Variants in SLC35F4 observed in about 807,000 individuals in gnomAD.
SLC35F4 encodes solute carrier family 35 member F4.
A neutral mutation model predicts 44.2 loss-of-function variants in SLC35F4; 24 were observed. The observed-to-expected ratio is 0.54, with a 90% CI of 0.39 to 0.76. The LOEUF is 0.76. Among genes scored for constraint, SLC35F4 ranks in the 30% least tolerant of loss-of-function variants. The pLI, the probability that SLC35F4 is intolerant of heterozygous loss-of-function variation, is 0.00. For synonymous variants in SLC35F4, 238 were observed against 223.6 expected (o/e 1.06, Z -0.57); for missense variants, 562 against 586.1 (o/e 0.96, Z 0.42).
At chr14:57,696,871 G>A (rs1000291956) in intron 1 of SLC35F4, among the ~76,000 whole-genome samples, 3 of 152,140 alleles carry the variant, frequency 2.0e-5, no homozygotes, top group Non-Finnish European at 4.4e-5. Context: ...TGAACAATGA[G>A]AACACATGGG....
intron 1 of SLC35F4, chr14:57,604,137 A>G (rs2071006501): frequency 6.6e-6 from 1 of 152,202 alleles, no homozygotes; most frequent in Admixed American, 6.5e-5. Flanking sequence ...CTGAGGGTAG[A>G]GAGAATCTCT....
chr14:57,694,096 G>T (rs1197915739), intron 1 of SLC35F4, among the ~76,000 whole-genome samples: 1 of 152,126 alleles, frequency 6.6e-6, no homozygotes, highest in Non-Finnish European at 1.5e-5. Context: ...ATAGTCAACA[G>T]CATGTAACCC....
chr14:57,716,186 T>G (rs1164406773), intron 1 of SLC35F4, among the ~76,000 whole-genome samples: 4 of 152,132 alleles, frequency 2.6e-5, no homozygotes, highest in Non-Finnish European at 5.9e-5. Context: ...GGAGGGGGCA[T>G]GGACTCTGTC....
chr14:57,883,053 G>GGGA (rs1165789456), intron 1 of SLC35F4, among the ~76,000 whole-genome samples: 2 of 151,562 alleles, frequency 1.3e-5, no homozygotes, highest in Non-Finnish European at 2.9e-5. Flanking sequence ...AGAAGGGGAG[G>GGGA]GGAGGAGGAG....
downstream of SLC35F4, among the ~76,000 whole-genome samples, chr14:57,974,578 A>G (rs566455059): frequency 6.6e-6 from 1 of 152,302 alleles, no homozygotes; most frequent in South Asian, 2.1e-4. Flanking sequence ...GAGAAGTAAG[A>G]CATCAAATGG....
chr14:57,757,313 C>T (rs2077016869), intron 1 of SLC35F4, among the ~76,000 whole-genome samples: 1 of 152,134 alleles, frequency 6.6e-6, no homozygotes, highest in African/African-American at 2.4e-5. Context: ...TTTCCTGTAA[C>T]AGCATTATAT....
At chr14:57,606,466 A>T (rs1372450549) in intron 1 of SLC35F4, among the ~76,000 whole-genome samples, 1 of 152,186 alleles carries the variant, frequency 6.6e-6, no homozygotes, top group African/African-American at 2.4e-5. Flanking sequence ...GGATTTTCAT[A>T]TGTTGAGCTT....
chr14:57,750,381 T>G (rs74923728), intron 1 of SLC35F4, among the ~76,000 whole-genome samples: 3,658 of 152,280 alleles, frequency 0.024, 157 homozygotes, highest in East Asian at 0.18. Flanking sequence ...GATATATTGA[T>G]TACTTTTCCT....
chr14:57,815,773 G>C (rs961805728), intron 1 of SLC35F4, among the ~76,000 whole-genome samples: 5 of 152,150 alleles, frequency 3.3e-5, no homozygotes, highest in Non-Finnish European at 7.3e-5. Context: ...GACTAGCCGA[G>C]AAGACCAGTG....
chr14:57,701,691 A>G (rs932454621), intron 1 of SLC35F4, among the ~76,000 whole-genome samples: 1 of 152,232 alleles, frequency 6.6e-6, no homozygotes, highest in Non-Finnish European at 1.5e-5. Flanking sequence ...TACGTGGCAC[A>G]TGACTGTATA....
At chr14:57,593,005 A>G (rs987445408) in intron 2 of SLC35F4, among the ~76,000 whole-genome samples, 1 of 152,218 alleles carries the variant, frequency 6.6e-6, no homozygotes, top group African/African-American at 2.4e-5. Context: ...AGATGTAGGT[A>G]GGGCTATCAT....
chr14:57,867,566 C>A (rs1401080011), upstream of SLC35F4, among the ~76,000 whole-genome samples: 1 of 151,188 alleles, frequency 6.6e-6, no homozygotes, highest in Non-Finnish European at 1.5e-5. Context: ...GGGGAGCTAG[C>A]CATATAAAGC....
intron 1 of SLC35F4, among the ~76,000 whole-genome samples, chr14:57,803,104 C>G (rs992743601): frequency 2.0e-5 from 3 of 152,028 alleles, no homozygotes; most frequent in African/African-American, 7.3e-5. Context: ...AGCTTATCCA[C>G]CATGATCAAG....
At chr14:57,786,408 C>T (rs2077760179) in intron 1 of SLC35F4, among the ~76,000 whole-genome samples, 1 of 152,192 alleles carries the variant, frequency 6.6e-6, no homozygotes, top group African/African-American at 2.4e-5. Context: ...CCTCTCCACA[C>T]TACTACAGCT....
At chr14:57,658,573 G>A (rs929427350) in intron 1 of SLC35F4, among the ~76,000 whole-genome samples, 7 of 152,148 alleles carry the variant, frequency 4.6e-5, no homozygotes, top group Non-Finnish European at 1.0e-4. Context: ...GGTTCCAAGG[G>A]ACTTTCTGAC....
chr14:57,722,313 C>A (rs2076104486), intron 1 of SLC35F4, among the ~76,000 whole-genome samples: 1 of 152,124 alleles, frequency 6.6e-6, no homozygotes, highest in South Asian at 2.1e-4. Flanking sequence ...CTGGAAATGA[C>A]TTATTTCCCT....
intron 1 of SLC35F4, among the ~76,000 whole-genome samples, chr14:57,735,601 G>A (rs1453666324): frequency 2.0e-5 from 3 of 152,178 alleles, no homozygotes; most frequent in Non-Finnish European, 4.4e-5. Flanking sequence ...GCCTGTGTCT[G>A]AAGTAGTATA....
chr14:57,662,267 A>G (rs2074162428), intron 1 of SLC35F4, among the ~76,000 whole-genome samples: 1 of 152,198 alleles, frequency 6.6e-6, no homozygotes, highest in Non-Finnish European at 1.5e-5. Flanking sequence ...ATTGGAAACA[A>G]GCTGAAATTG....
At chr14:57,957,099 A>G (rs968881570) in intron 1 of SLC35F4, among the ~76,000 whole-genome samples, 39 of 152,366 alleles carry the variant, frequency 2.6e-4, no homozygotes, top group African/African-American at 9.4e-4. Flanking sequence ...ACCATGGAAT[A>G]CTATGCCGCC....
Sources: gnomAD v4.1 joint callset for allele counts (sites outside exome capture counted in the v4.1 genomes callset) on GRCh38, gnomAD v4.1.1 for gene constraint, MANE v1.5 for transcripts, NCBI Gene and HGNC (gene_info 2026-07-23, HGNC 2026-07-21) for gene names.